Variants in KIF13A observed in about 807,000 individuals in gnomAD.
The protein encoded by KIF13A is kinesin-like protein KIF13A.
Under a neutral mutation model 212.2 loss-of-function variants are expected in KIF13A, and 79 were observed. The observed-to-expected ratio is 0.37, with a 90% CI of 0.31 to 0.45. The LOEUF (loss-of-function observed/expected upper bound fraction) is 0.45, where lower values mean the gene tolerates loss of function less well. Ranked by LOEUF, KIF13A falls within the 20% of genes least tolerant of loss-of-function variation. KIF13A has a pLI of 1.00. For missense variants in KIF13A, 1,901 were observed against 2,209.0 expected, an observed-to-expected ratio of 0.86 and a Z score of 2.79; for synonymous variants, 789 against 808.6, an observed-to-expected ratio of 0.98 and a Z score of 0.41.
intron 2 of KIF13A, among the ~76,000 whole-genome samples, chr6:17,911,072 G>C (rs2150504519): frequency 6.6e-6 from 1 of 152,200 alleles, no homozygotes; most frequent in Admixed American, 6.5e-5. Context: ...CTAAATTCAA[G>C]TTTTATAAGT....
rs1561736711 is a variant in KIF13A, at chr6:17,897,998, ACT to A, written c.159+168_159+169del. On this transcript the variant is annotated intron_variant, in intron 3 of 38. Transcript: ENST00000259711. This position sits in a 1 kb window ranked among gnomAD's most constrained non-coding sequence, Gnocchi z 4.8. ...AAGTGCTCTGTCAATGTAGAGTGAC[ACT>A]CTAACTTTATGTTAACACTGATATT... is the stretch of plus-strand genomic sequence containing the variant. Among the ~76,000 whole-genome samples, 2 of 152,204 alleles carry A rather than the reference ACT, an allele frequency of 1.3e-5. No homozygotes were observed. The highest frequency in any genetic ancestry group is 4.8e-5 in the African/African-American group (2 of 41,442).
intron 3 of KIF13A, among the ~76,000 whole-genome samples, chr6:17,874,281 T>TG (rs907564457): frequency 8.2e-5 from 5 of 61,318 alleles, no homozygotes; most frequent in African/African-American, 4.1e-4. Context: ...GTTTTTGTTT[T>TG]TGTTTTTTGG....
chr6:17,804,521 G>A lies in KIF13A; in HGVS notation c.2305-11C>T. The A allele has an allele frequency of 6.3e-7, 1 of 1,582,272 alleles. No individual in the cohort carries two copies. Among genetic ancestry groups the A allele is most frequent in the African/African-American group, 1.3e-5 (1 of 74,370 alleles). On this transcript the variant is annotated splice_polypyrimidine_tract_variant and intron_variant, in intron 19 of 38. Coordinates refer to ENST00000259711, the MANE Select transcript of KIF13A (RefSeq NM_022113.6). ...GTAGAGTCTCTTTGCCTGAGAAGTA[G>A]GAGGGGCCAGTGAGTGGACGAATAA... is the stretch of plus-strand genomic sequence containing the variant.
Position 17,809,100 on chromosome 6 carries a change from T to C in KIF13A, c.2001-170A>G, listed in dbSNP as rs1031682319. Among the ~76,000 whole-genome samples, 5 of 152,258 alleles carry C rather than the reference T, an allele frequency of 3.3e-5. No homozygotes were observed. The highest frequency in any genetic ancestry group is 9.6e-5 in the African/African-American group (4 of 41,476). ...CCCTCCTGCCCACAGATGGGCTATC[T>C]GTTGAGAACTACTGATGGGAAGCAA... is the stretch of plus-strand genomic sequence containing the variant. On this transcript the variant is annotated intron_variant, in intron 17 of 38. Transcript: ENST00000259711. The surrounding 1 kb of genome is among the most constrained non-coding windows in gnomAD (Gnocchi z 4.7).
chr6:17,902,710 G>A (rs936900938), intron 2 of KIF13A, among the ~76,000 whole-genome samples: 3 of 152,114 alleles, frequency 2.0e-5, no homozygotes, highest in Non-Finnish European at 4.4e-5. Flanking sequence ...ACTATCCCAA[G>A]ACTCCTAGGG....
At chr6:17,948,580 T>TTTTTC (rs766779438) in intron 2 of KIF13A, among the ~76,000 whole-genome samples, 2 of 147,126 alleles carry the variant, frequency 1.4e-5, no homozygotes, top group African/African-American at 2.5e-5. Flanking sequence ...TTTTTTTTTT[T>TTTTTC]TGAGACAAGT....
Position 17,984,585 on chromosome 6 carries a change from G to GC in KIF13A, c.146+2468_146+2469insG. 1.2e-6 allele frequency: 1 copy of GC among 828,184 alleles called. No homozygotes were observed. The highest frequency in any genetic ancestry group is 5.5e-5 in the South Asian group (1 of 18,042). 51.3% of individuals were successfully genotyped at this position (828,184 alleles called of 1,614,324 possible). ...GAAACAATGAAAGCTGACCCCATCT[G>GC]TTTTTTTTTTTTTTCCCTGGACGTC... is the stretch of plus-strand genomic sequence containing the variant. On this transcript the variant is annotated intron_variant, in intron 2 of 38. Coordinates refer to ENST00000259711, the MANE Select transcript of KIF13A (RefSeq NM_022113.6). This position sits in a 1 kb window ranked among gnomAD's most constrained non-coding sequence, Gnocchi z 5.0.
At chr6:17,962,432 T>A (rs184848934) in intron 2 of KIF13A, among the ~76,000 whole-genome samples, 2 of 152,034 alleles carry the variant, frequency 1.3e-5, no homozygotes, top group African/African-American at 4.8e-5. Context: ...AGGGAGACCG[T>A]TAAAAAAGCA....
Position 17,949,404 on chromosome 6 carries a change from T to C in KIF13A, c.146+37650A>G, listed in dbSNP as rs141078379. On this transcript the variant is annotated intron_variant, in intron 2 of 38. Transcript: ENST00000259711. ...CCATCAACATTTTAATTCTGGCTAC[T>C]GAGTGATTAGAGAAATAGTAAGTAG... Among the ~76,000 whole-genome samples the C allele has an allele frequency of 2.7e-3, 408 of 152,330 alleles. 3 individuals carry two copies. Among genetic ancestry groups the C allele is most frequent in the African/African-American group, 9.1e-3 (380 of 41,576 alleles).
rs548326657 is a variant in KIF13A at position 17,809,077 on chromosome 6, C to G, written c.2001-147G>C. Reference sequence around the variant, plus strand: ...TTACCAGACTACCTCTCATCCTTCCCTCCTGCCCACAGATGGGCTATCTGT... The same window carrying G: ...TTACCAGACTACCTCTCATCCTTCCGTCCTGCCCACAGATGGGCTATCTGT... On this transcript the variant is annotated intron_variant, in intron 17 of 38. Coordinates refer to ENST00000259711, the MANE Select transcript of KIF13A (RefSeq NM_022113.6). This position sits in a 1 kb window ranked among gnomAD's most constrained non-coding sequence, Gnocchi z 4.7. 1.3e-4 allele frequency: 96 copies of G among 748,988 alleles called. No homozygotes were observed. In the African/African-American group the frequency reaches 1.5e-3, roughly 12 times the overall value. The allele number at this position is 748,988 out of a possible 1,614,324, so 46.4% of individuals were successfully genotyped here.
intron 9 of KIF13A, among the ~76,000 whole-genome samples, chr6:17,848,550 T>A (rs1479565690): frequency 7.0e-6 from 1 of 143,040 alleles, no homozygotes; most frequent in East Asian, 2.1e-4. Context: ...TAATTAAAAC[T>A]CGTACATCTT....
At chr6:17,840,094 A>C (rs965791694) in intron 9 of KIF13A, among the ~76,000 whole-genome samples, 4 of 152,106 alleles carry the variant, frequency 2.6e-5, no homozygotes, top group Non-Finnish European at 5.9e-5. Context: ...GGTAATAGGG[A>C]ATGATTTGGA....
At chr6:17,820,190 C>A (rs939671120) in intron 16 of KIF13A, among the ~76,000 whole-genome samples, 1 of 152,268 alleles carries the variant, frequency 6.6e-6, no homozygotes, top group Admixed American at 6.5e-5. Flanking sequence ...CACAGCACTA[C>A]CACTACTCAC....
At chr6:17,836,674 G>A (rs958853423) in intron 11 of KIF13A, among the ~76,000 whole-genome samples, 2 of 152,140 alleles carry the variant, frequency 1.3e-5, no homozygotes, top group Admixed American at 6.6e-5. Flanking sequence ...AGAACAGCAA[G>A]GGGGAAGTTC....
intron 34 of KIF13A, among the ~76,000 whole-genome samples, chr6:17,775,764 C>G (rs559501285): frequency 5.1e-4 from 78 of 152,300 alleles, no homozygotes; most frequent in African/African-American, 1.8e-3. Flanking sequence ...GTTGCCCAGG[C>G]TGGTCTCAAA....
chr6:17,812,036 T>C (rs1763477096), intron 17 of KIF13A: 1 of 152,206 alleles, frequency 6.6e-6, no homozygotes, highest in South Asian at 2.1e-4. Flanking sequence ...TTCTACACTT[T>C]TCCTTTCTTT....
rs1016558864 is a variant in KIF13A, at chr6:17,971,024, C to A, written c.146+16030G>T. ...TTTAAAAAGATTGGTGAGGTTATTT[C>A]AATACATCAAAATACAAAAACAAAG... On this transcript the variant is annotated intron_variant, in intron 2 of 38. Coordinates refer to ENST00000259711, the MANE Select transcript of KIF13A (RefSeq NM_022113.6). This position sits in a 1 kb window ranked among gnomAD's most constrained non-coding sequence, Gnocchi z 4.2. 6.6e-6 allele frequency among the ~76,000 whole-genome samples: 1 copy of A among 152,134 alleles called. No individual in the cohort carries two copies. The highest frequency in any genetic ancestry group is 1.5e-5 in the Non-Finnish European group (1 of 68,022).
downstream of KIF13A, among the ~76,000 whole-genome samples, chr6:17,762,312 A>C (rs545601575): frequency 6.6e-6 from 1 of 151,062 alleles, no homozygotes; most frequent in South Asian, 2.1e-4. Flanking sequence ...TCCTGGGTTC[A>C]GGTGATTCTC....
rs1484210778 is a variant in KIF13A at position 17,962,650 on chromosome 6, A to G, written c.146+24404T>C. Among the ~76,000 whole-genome samples the G allele has an allele frequency of 2.6e-5, 4 of 152,170 alleles. No homozygotes were observed. In the South Asian group the frequency reaches 8.3e-4, roughly 32 times the overall value. On this transcript the variant is annotated intron_variant, in intron 2 of 38. Transcript: ENST00000259711. ...TGTGTGCAAGTAAGGCTGAGTCTGG[A>G]CAACATCCACAGGCACCCGGAGGCA...
Sources: allele counts gnomAD v4.1 joint callset (sites outside exome capture counted in the v4.1 genomes callset), GRCh38; gene constraint gnomAD v4.1.1; non-coding constraint Gnocchi (gnomAD v3.1); transcripts MANE v1.5; gene names NCBI Gene and HGNC (gene_info 2026-07-23, HGNC 2026-07-21).